DENND1A: variants seen among roughly 807,000 people sequenced by gnomAD.
The protein encoded by DENND1A is DENN domain-containing protein 1A.
DENND1A carries 51 observed loss-of-function variants against 113.7 expected under a neutral mutation model. That is an observed-to-expected ratio of 0.45 (90% CI 0.36 to 0.57). The LOEUF (loss-of-function observed/expected upper bound fraction) is 0.57. Among genes scored for constraint, DENND1A ranks in the 20% least tolerant of loss-of-function variants. DENND1A has a pLI of 0.00. For missense variants in DENND1A, 1,258 were observed against 1,395.9 expected (o/e 0.90, Z 1.57); for synonymous variants, 565 against 570.8 (o/e 0.99, Z 0.14).
chr9:123,704,066 C>A (rs1289642606), intron 5 of DENND1A, among the ~76,000 whole-genome samples: 3 of 151,702 alleles, frequency 2.0e-5, no homozygotes, highest in African/African-American at 7.3e-5. Context: ...CAATTAAATG[C>A]CAGACTATAT....
chr9:123,476,306 G>A (rs1205331965), intron 13 of DENND1A, among the ~76,000 whole-genome samples: 2 of 152,182 alleles, frequency 1.3e-5, no homozygotes, highest in African/African-American at 4.8e-5. Context: ...GGGTCACGAT[G>A]GTGTGGAGAA....
At chr9:123,473,273 G>A (rs1374093050) in intron 13 of DENND1A, among the ~76,000 whole-genome samples, 1 of 152,226 alleles carries the variant, frequency 6.6e-6, no homozygotes, top group Non-Finnish European at 1.5e-5. Flanking sequence ...GTAAGGAGGA[G>A]GGGTGCAGGG....
chr9:123,642,260 C>A (rs1175950730), intron 9 of DENND1A, among the ~76,000 whole-genome samples: 3 of 152,196 alleles, frequency 2.0e-5, no homozygotes, highest in Non-Finnish European at 4.4e-5. Context: ...AGAGAATGCC[C>A]GTATAAGTAA....
chr9:123,536,744 G>A (rs1301577870), intron 13 of DENND1A, among the ~76,000 whole-genome samples: 1 of 152,094 alleles, frequency 6.6e-6, no homozygotes, highest in Non-Finnish European at 1.5e-5. Context: ...CCAAGATTGA[G>A]CAGGACAGAT....
chr9:123,782,364 T>C (rs969347829), intron 3 of DENND1A, among the ~76,000 whole-genome samples: 3 of 152,178 alleles, frequency 2.0e-5, no homozygotes, highest in African/African-American at 7.2e-5. Context: ...CATAAACACA[T>C]CTGGTTAAGC....
At chr9:123,881,915 C>T (rs892057561) in intron 1 of DENND1A, among the ~76,000 whole-genome samples, 5 of 152,168 alleles carry the variant, frequency 3.3e-5, no homozygotes, top group African/African-American at 1.2e-4. Context: ...TCTTACTCGG[C>T]CTGTCAATAG....
chr9:123,547,831 A>G (rs1186385448), intron 13 of DENND1A, among the ~76,000 whole-genome samples: 2 of 152,182 alleles, frequency 1.3e-5, no homozygotes, highest in Admixed American at 6.5e-5. Context: ...GGACACCACT[A>G]TTCTAGAATG....
intron 2 of DENND1A, among the ~76,000 whole-genome samples, chr9:123,826,251 A>G (rs186493029): frequency 5.7e-4 from 87 of 152,088 alleles, no homozygotes; most frequent in Non-Finnish European, 9.1e-4. Context: ...AAAAATACAA[A>G]TATTAGCCAG....
At chr9:123,680,663 C>T (rs1268805111) in intron 5 of DENND1A, among the ~76,000 whole-genome samples, 4 of 152,240 alleles carry the variant, frequency 2.6e-5, no homozygotes, top group African/African-American at 9.6e-5. Context: ...ATGATAATCA[C>T]TCCAACTGGT....
chr9:123,484,023 C>T (rs2050579811), intron 13 of DENND1A, among the ~76,000 whole-genome samples: 1 of 152,120 alleles, frequency 6.6e-6, no homozygotes. Flanking sequence ...AATATTACAT[C>T]AATTCATCTA....
rs1319197227 is a variant in DENND1A, at chr9:123,381,780, G to A, written c.2865C>T (p.Asn955=). 8 of 1,515,874 alleles carry A rather than the reference G, an allele frequency of 5.3e-6. No individual in the cohort carries two copies. Among genetic ancestry groups the A allele is most frequent in the South Asian group, 1.3e-5 (1 of 77,790 alleles). The allele number at this position is 1,515,874 out of a possible 1,614,324, so 93.9% of individuals were successfully genotyped here. A position where few individuals can be genotyped will look rare whatever the true frequency, so the allele number is the denominator to read the frequency against. The change falls in exon 24 of 24, where the codon AAC becomes AAT. Residue 955 remains asparagine, a synonymous_variant. Transcript: ENST00000394215. The surrounding 1 kb of genome is among the most constrained non-coding windows in gnomAD (Gnocchi z 4.7). ...TGCCCATGGGCATCTGGCCAAAGAG[G>A]TTGGGCATGGAGAGGGCGGAGAGGT... ...QPNLSALSMP[N]LFGQMPMGTH...
chr9:123,510,392 T>TC (rs991664346), intron 13 of DENND1A, among the ~76,000 whole-genome samples: 3 of 152,228 alleles, frequency 2.0e-5, no homozygotes, highest in African/African-American at 7.2e-5. Context: ...CAAGGACACA[T>TC]CCCCAACTGT....
chr9:123,679,670 G>A (rs2140168392), intron 5 of DENND1A, among the ~76,000 whole-genome samples: 1 of 152,328 alleles, frequency 6.6e-6, no homozygotes, highest in Non-Finnish European at 1.5e-5. Flanking sequence ...AGGGTTCACA[G>A]CGGAGCTCTA....
chr9:123,559,629 G>A (rs1400697166), intron 12 of DENND1A, among the ~76,000 whole-genome samples: 1 of 152,118 alleles, frequency 6.6e-6, no homozygotes, highest in Non-Finnish European at 1.5e-5. Context: ...ACGCACATTA[G>A]GTCTTGTACC....
rs1191964519 is a variant in DENND1A at position 123,796,752 on chromosome 9, T to TACACACACAC, written c.89-4123_89-4122insGTGTGTGTGT. ...TTTGTACATTGGTAACTCCTATGTG[T>TACACACACAC]ACATACACACACACACACACACACA... On this transcript the variant is annotated intron_variant, in intron 2 of 23. Coordinates refer to ENST00000394215, the MANE Select transcript of DENND1A (RefSeq NM_001352964.2). 3.7e-5 allele frequency among the ~76,000 whole-genome samples: 4 copies of TACACACACAC among 107,194 alleles called. No homozygotes were observed. In the East Asian group the frequency reaches 8.8e-4, roughly 24 times the overall value. The allele number at this position is 107,194 out of a possible 152,430, so 70.3% of individuals were successfully genotyped here. A position where few individuals can be genotyped will look rare whatever the true frequency, so the allele number is the denominator to read the frequency against.
chr9:123,711,486 A>AAAATATATATATATATGTATATATTT (rs1318894625), intron 5 of DENND1A, among the ~76,000 whole-genome samples: 1 of 101,790 alleles, frequency 9.8e-6, no homozygotes, highest in African/African-American at 3.7e-5. Flanking sequence ...TAAATTAAAA[A>AAAATATATATATATATGTATATATTT]ATATATATAT....
intron 5 of DENND1A, among the ~76,000 whole-genome samples, chr9:123,706,688 G>A (rs533493815): frequency 9.4e-5 from 14 of 148,166 alleles, no homozygotes; most frequent in African/African-American, 2.0e-4. Flanking sequence ...GGAGAATGGC[G>A]TGAACCCAGG....
chr9:123,399,809 T>C (rs2043334548), intron 21 of DENND1A, among the ~76,000 whole-genome samples: 1 of 152,204 alleles, frequency 6.6e-6, no homozygotes, highest in Admixed American at 6.5e-5. Flanking sequence ...CAGAATGTCA[T>C]GGAGAGAATG....
intron 5 of DENND1A, among the ~76,000 whole-genome samples, chr9:123,707,528 G>A (rs1246187639): frequency 1.3e-5 from 2 of 152,158 alleles, no homozygotes; most frequent in Non-Finnish European, 2.9e-5. Context: ...AGGAAATCAG[G>A]AAAACAGGGT....
Sources: gnomAD v4.1 joint callset for allele counts (sites outside exome capture counted in the v4.1 genomes callset) on GRCh38, gnomAD v4.1.1 for gene constraint, Gnocchi (gnomAD v3.1) non-coding constraint, MANE v1.5 for transcripts, NCBI Gene and HGNC (gene_info 2026-07-23, HGNC 2026-07-21) for gene names.